Variants in FRMD4A observed in about 807,000 individuals in gnomAD.
FRMD4A encodes FERM domain-containing protein 4A.
Under a neutral mutation model 129.1 loss-of-function variants are expected in FRMD4A, and 29 were observed. The ratio of observed to expected loss-of-function variants is 0.22; its 90% confidence interval spans 0.17 to 0.31. FRMD4A has a LOEUF of 0.31. Ranked by LOEUF, FRMD4A falls within the 10% of genes least tolerant of loss-of-function variation. The pLI, the probability that FRMD4A is intolerant of heterozygous loss-of-function variation, is 1.00. For missense variants in FRMD4A, 1,272 were observed against 1,375.8 expected, an observed-to-expected ratio of 0.92 and a Z score of 1.19; for synonymous variants, 634 against 571.6, an observed-to-expected ratio of 1.11 and a Z score of -1.56.
intron 2 of FRMD4A, among the ~76,000 whole-genome samples, chr10:14,002,396 G>A (rs915994110): frequency 3.9e-5 from 6 of 152,138 alleles, no homozygotes; most frequent in South Asian, 2.1e-4. Context: ...CGCTTTCTCC[G>A]CTTGTACTGA....
chr10:13,734,470 C>T (rs935023749), intron 12 of FRMD4A, among the ~76,000 whole-genome samples: 1 of 152,204 alleles, frequency 6.6e-6, no homozygotes, highest in African/African-American at 2.4e-5. Context: ...TCACCAACTC[C>T]TCTCTTTTCA....
chr10:14,138,753 A>G (rs1290097723), intron 2 of FRMD4A, among the ~76,000 whole-genome samples: 2 of 150,806 alleles, frequency 1.3e-5, no homozygotes, highest in Non-Finnish European at 3.0e-5. Context: ...GACAGACTCC[A>G]TCTAAAAAAA....
chr10:14,044,218 G>T (rs1260011868), intron 2 of FRMD4A, among the ~76,000 whole-genome samples: 2 of 152,012 alleles, frequency 1.3e-5, no homozygotes, highest in East Asian at 1.9e-4. Flanking sequence ...CTTTCCTGTC[G>T]CCCCTTTACT....
At chr10:13,918,146 T>C (rs1406464713) in intron 2 of FRMD4A, among the ~76,000 whole-genome samples, 1 of 152,254 alleles carries the variant, frequency 6.6e-6, no homozygotes, top group Non-Finnish European at 1.5e-5. Context: ...TGCATGTTTA[T>C]TTATTTGTCC....
intron 2 of FRMD4A, among the ~76,000 whole-genome samples, chr10:13,982,329 A>T (rs1284694144): frequency 6.6e-6 from 1 of 151,942 alleles, no homozygotes; most frequent in African/African-American, 2.4e-5. Context: ...GCAAAAAATA[A>T]AAAATTAGCT....
chr10:13,696,046 C>T (rs902851380), intron 14 of FRMD4A, among the ~76,000 whole-genome samples: 1 of 152,202 alleles, frequency 6.6e-6, no homozygotes, highest in Non-Finnish European at 1.5e-5. Flanking sequence ...TCCTCCTCCT[C>T]CCTACCCCGT....
intron 4 of FRMD4A, among the ~76,000 whole-genome samples, chr10:13,801,584 G>A (rs778465888): frequency 5.3e-5 from 8 of 152,224 alleles, no homozygotes; most frequent in Non-Finnish European, 8.8e-5. Context: ...AGACTGAAGG[G>A]ACATGTGACT....
At position 14,241,683 on chromosome 10, in the gene FRMD4A, T is replaced by TAAAAA. The variant is rs71388168; in HGVS notation, c.45+88370_45+88374dup. On this transcript the variant is annotated intron_variant, in intron 2 of 24. Coordinates refer to ENST00000357447, the MANE Select transcript of FRMD4A (RefSeq NM_018027.5). ...GGAGAGGGATTTGTTTTACCCTCCCTAAAAAAAAAAAAAAAAAAAAAAAAA... is the reference window on the plus strand; with the variant it reads ...GGAGAGGGATTTGTTTTACCCTCCCTAAAAAAAAAAAAAAAAAAAAAAAAAAAAAA... Among the ~76,000 whole-genome samples, 14 of 23,412 alleles carry TAAAAA rather than the reference T, an allele frequency of 6.0e-4. 1 individual carries two copies. Among genetic ancestry groups the TAAAAA allele is most frequent in the African/African-American group, 2.1e-3 (12 of 5,700 alleles). 15.4% of individuals were successfully genotyped at this position (23,412 alleles called of 152,430 possible). A position where few individuals can be genotyped will look rare whatever the true frequency, so the allele number is the denominator to read the frequency against.
At chr10:14,185,864 T>C (rs1842126275) in intron 2 of FRMD4A, among the ~76,000 whole-genome samples, 1 of 151,148 alleles carries the variant, frequency 6.6e-6, no homozygotes. Context: ...TCCCATAGAG[T>C]TAGAGTGAGA....
chr10:13,951,973 T>C (rs903579717), intron 2 of FRMD4A, among the ~76,000 whole-genome samples: 56 of 149,774 alleles, frequency 3.7e-4, no homozygotes, highest in Admixed American at 2.6e-3. Flanking sequence ...GGCAAATATC[T>C]GTTCTCTTTG....
At chr10:14,229,888 C>T (rs547383213) in intron 2 of FRMD4A, among the ~76,000 whole-genome samples, 17 of 152,370 alleles carry the variant, frequency 1.1e-4, no homozygotes, top group Admixed American at 1.1e-3. Context: ...GTCCTCTCTA[C>T]ATGGGGTCAT....
intron 2 of FRMD4A, among the ~76,000 whole-genome samples, chr10:14,106,724 T>G (rs909484228): frequency 2.0e-5 from 3 of 152,194 alleles, no homozygotes; most frequent in African/African-American, 7.2e-5. Flanking sequence ...CATTTCAGAT[T>G]TTTTTAAAAA....
At chr10:13,725,656 C>A (rs2089838503) in intron 12 of FRMD4A, among the ~76,000 whole-genome samples, 1 of 152,118 alleles carries the variant, frequency 6.6e-6, no homozygotes, top group South Asian at 2.1e-4. Flanking sequence ...TTGGCTTACC[C>A]AGACCAGTCT....
At chr10:13,973,224 G>A (rs1171475273) in intron 2 of FRMD4A, among the ~76,000 whole-genome samples, 2 of 152,150 alleles carry the variant, frequency 1.3e-5, no homozygotes, top group African/African-American at 4.8e-5. Flanking sequence ...GGTAATTCAA[G>A]GACATTATCT....
chr10:13,686,956 A>C (rs936427790), intron 15 of FRMD4A, among the ~76,000 whole-genome samples: 11 of 152,186 alleles, frequency 7.2e-5, no homozygotes, highest in African/African-American at 2.7e-4. Context: ...GCCTGAGAAC[A>C]AAAACTAACT....
chr10:14,298,035 C>T (rs1278775119), intron 2 of FRMD4A, among the ~76,000 whole-genome samples: 4 of 152,148 alleles, frequency 2.6e-5, no homozygotes, highest in Non-Finnish European at 4.4e-5. Flanking sequence ...CAACCCAATG[C>T]CTGTTTTTGT....
At chr10:14,033,640 C>T (rs1180632688) in intron 2 of FRMD4A, among the ~76,000 whole-genome samples, 2 of 152,032 alleles carry the variant, frequency 1.3e-5, no homozygotes, top group Admixed American at 1.3e-4. Flanking sequence ...CAAAAATTAG[C>T]TGGGCATGGT....
intron 2 of FRMD4A, among the ~76,000 whole-genome samples, chr10:14,177,680 G>A (rs1841780331): frequency 6.6e-6 from 1 of 152,142 alleles, no homozygotes; most frequent in Non-Finnish European, 1.5e-5. Flanking sequence ...TTTAAGGCCG[G>A]TTGTTTTCTG....
At chr10:14,134,976 A>T (rs1432934138) in intron 2 of FRMD4A, among the ~76,000 whole-genome samples, 2 of 152,226 alleles carry the variant, frequency 1.3e-5, no homozygotes, top group African/African-American at 2.4e-5. Context: ...CATAAAAGGG[A>T]AATTGAAGAG....
Sources: allele counts gnomAD v4.1 joint callset (sites outside exome capture counted in the v4.1 genomes callset), GRCh38; gene constraint gnomAD v4.1.1; transcripts MANE v1.5; gene names NCBI Gene and HGNC (gene_info 2026-07-23, HGNC 2026-07-21).